Variants in XCL1 observed in about 807,000 individuals in gnomAD.
The protein encoded by XCL1 is lymphotactin.
XCL1 carries 6 observed loss-of-function variants against 7.4 expected under a neutral mutation model. The ratio of observed to expected loss-of-function variants is 0.82; its 90% confidence interval spans 0.45 to 1.61. The LOEUF is 1.61. Ranked by LOEUF, XCL1 falls within the 40% of genes most tolerant of loss-of-function variation. The pLI is 0.01. For missense variants in XCL1, 122 were observed against 138.2 expected (o/e 0.88, Z 0.59); for synonymous variants, 48 against 52.4 (o/e 0.92, Z 0.36).
At chr1:168,576,885 GA>G (rs1360413870) in intron 1 of XCL1, among the ~76,000 whole-genome samples, 187 bp downstream of exon 1, 6 of 152,146 alleles carry the variant, frequency 3.9e-5, no homozygotes. Context: ...AAAACAGGGA[GA>G]ATTTGATTAG....
Position 168,580,162 on chromosome 1 carries a change from C to G in XCL1, c.161C>G (p.Ser54Cys), listed in dbSNP as rs1318713673. 6.2e-7 allele frequency: 1 copy of G among 1,613,626 alleles called. No individual in the cohort carries two copies. Among genetic ancestry groups the G allele is most frequent in the Non-Finnish European group, 8.5e-7 (1 of 1,179,794 alleles). ...RIKTYTITEG[S>C]LRAVIFITKR... is the part of the protein sequence containing the mutation. ...AAGACCTACACCATCACGGAAGGCT[C>G]CTTGAGAGCAGTAATGTGAGTCTGC... The change falls in exon 2 of 3, where the codon TCC (serine) becomes TGC (cysteine). Residue 54 changes from serine (S) to cysteine (C), a missense_variant. By Grantham distance (112) the Ser-to-Cys change is moderately radical. Coordinates refer to ENST00000367818, the MANE Select transcript of XCL1 (RefSeq NM_002995.3).
chr1:168,578,819 T>C (rs1428044174), intron 1 of XCL1: 30 of 445,402 alleles, frequency 6.7e-5, no homozygotes. Context: ...CCTGGTTAAC[T>C]TGTGTGAAGG....
rs1655167730 is a variant in XCL1 at position 168,581,327 on chromosome 1, T to C, written c.*107T>C. ...TTATGAAAGCACTGCATGAATAAAA[T>C]TATTCCTTTGTATTTTTACTTTTAA... On this transcript the variant is annotated 3_prime_UTR_variant, in exon 3 of 3. Coordinates refer to ENST00000367818, the MANE Select transcript of XCL1 (RefSeq NM_002995.3). The C allele has an allele frequency of 7.2e-7, 1 of 1,398,440 alleles. No individual in the cohort carries two copies. Among genetic ancestry groups the C allele is most frequent in the Non-Finnish European group, 9.5e-7 (1 of 1,052,064 alleles). 86.6% of individuals were successfully genotyped at this position (1,398,440 alleles called of 1,614,324 possible). A position where few individuals can be genotyped will look rare whatever the true frequency, so the allele number is the denominator to read the frequency against.
chr1:168,580,063 G>A lies in XCL1; in HGVS notation c.62G>A (p.Gly21Asp). Residue 21 changes from glycine to aspartate, a missense_variant and splice_region_variant, in exon 2 of 3, where the codon GGT (glycine) becomes GAT (aspartate). Coordinates refer to ENST00000367818, the MANE Select transcript of XCL1 (RefSeq NM_002995.3). The part of the protein sequence containing the change: ...ICSLTAYIVE[G>D]VGSEVSDKRT... The stretch of plus-strand genomic sequence containing the variant: ...TCTGTTGTTTTTTTTTCCTCACCAG[G>A]TGTAGGGAGTGAAGTCTCAGATAAG... The A allele has an allele frequency of 1.2e-6, 2 of 1,612,264 alleles. No homozygotes were observed. The highest frequency in any genetic ancestry group is 1.1e-5 in the South Asian group (1 of 90,760).
rs141973818 is a variant in XCL1 at position 168,580,069 on chromosome 1, G to C, written c.68G>C (p.Gly23Ala). ...SLTAYIVEGV[G>A]SEVSDKRTCV... is the part of the protein sequence containing the mutation. ...GTTTTTTTTTCCTCACCAGGTGTAG[G>C]GAGTGAAGTCTCAGATAAGAGGACC... Residue 23 changes from glycine to alanine, a missense_variant, in exon 2 of 3, where the codon GGG becomes GCG. Physicochemically the swap from Gly to Ala is moderately conservative, Grantham distance 60. Transcript: ENST00000367818. 20 of 1,612,744 alleles carry C rather than the reference G, an allele frequency of 1.2e-5. No homozygotes were observed. The highest frequency in any genetic ancestry group is 1.6e-5 in the Non-Finnish European group (19 of 1,179,306).
intron 1 of XCL1, among the ~76,000 whole-genome samples, chr1:168,579,768 C>A (rs1267582977): frequency 6.6e-6 from 1 of 152,018 alleles, no homozygotes; most frequent in Non-Finnish European, 1.5e-5. Context: ...ATTTGCTAGC[C>A]GTCCCAAATG....
At chr1:168,577,384 CAAT>C (rs1040812643) in intron 1 of XCL1, among the ~76,000 whole-genome samples, 2 of 152,108 alleles carry the variant, frequency 1.3e-5, no homozygotes, top group Non-Finnish European at 2.9e-5. Flanking sequence ...AGAGAACATA[CAAT>C]AATAACTACT....
chr1:168,578,501 A>T (rs1655078589), intron 1 of XCL1, among the ~76,000 whole-genome samples: 1 of 152,220 alleles, frequency 6.6e-6, no homozygotes, highest in African/African-American at 2.4e-5. Flanking sequence ...GATTCTCTAC[A>T]CTTAATAGTT....
intron 1 of XCL1, among the ~76,000 whole-genome samples, chr1:168,577,066 A>G (rs1007989556): frequency 1.3e-5 from 2 of 152,242 alleles, no homozygotes. Context: ...CCTTACAAGC[A>G]GTAATTTTTT....
At chr1:168,580,937 T>A (rs1238953127) in intron 2 of XCL1, 115 bp from the exon 3 acceptor site, 10 of 1,388,804 alleles carry the variant, frequency 7.2e-6, no homozygotes, top group Non-Finnish European at 8.7e-6. Flanking sequence ...TCTGAAAGAC[T>A]ATTTCTTGCA....
At chr1:168,577,884 G>A (rs943977264) in intron 1 of XCL1, among the ~76,000 whole-genome samples, 1 of 152,120 alleles carries the variant, frequency 6.6e-6, no homozygotes, top group Non-Finnish European at 1.5e-5. Context: ...AGTCCCACTG[G>A]TGCTTAGCTT....
intron 1 of XCL1, 94 bp downstream of exon 1, chr1:168,576,792 C>A (rs1655034655): frequency 1.3e-6 from 2 of 1,568,516 alleles, no homozygotes; most frequent in Non-Finnish European, 1.7e-6. Context: ...CTGGACTAAC[C>A]TGCTTTCCCC....
intron 1 of XCL1, among the ~76,000 whole-genome samples, chr1:168,577,087 A>G (rs1347675243): frequency 2.6e-5 from 4 of 152,222 alleles, no homozygotes; most frequent in African/African-American, 4.8e-5. Context: ...GATTAATGTT[A>G]GCTATGGATT....
intron 1 of XCL1, among the ~76,000 whole-genome samples, chr1:168,577,337 G>A (rs1558254997): frequency 1.3e-5 from 2 of 152,094 alleles, no homozygotes; most frequent in African/African-American, 4.8e-5. Flanking sequence ...GTAATGCCAT[G>A]ACTATTACTA....
chr1:168,578,252 A>T (rs1341562799), intron 1 of XCL1, among the ~76,000 whole-genome samples: 23 of 152,042 alleles, frequency 1.5e-4, no homozygotes, highest in Admixed American at 1.5e-3. Context: ...CACAATGAAC[A>T]CTCTTTGTTT....
chr1:168,581,195 A>G lies in XCL1; in HGVS notation c.320A>G (p.Asn107Ser), dbSNP rs1291019433. ...TKPTGTQQST[N>S]TAVTLTG Reference sequence around the variant, plus strand: ...CCAACAGGAACCCAGCAATCGACCAATACAGCTGTGACTCTGACTGGCTAG... The same window carrying G: ...CCAACAGGAACCCAGCAATCGACCAGTACAGCTGTGACTCTGACTGGCTAG... The change falls in exon 3 of 3, where the codon AAT becomes AGT. Residue 107 changes from asparagine (N) to serine (S), a missense_variant. Coordinates refer to ENST00000367818, the MANE Select transcript of XCL1 (RefSeq NM_002995.3). 1 of 1,613,576 alleles carries G rather than the reference A, an allele frequency of 6.2e-7. No individual in the cohort carries two copies. The highest frequency in any genetic ancestry group is 2.2e-5 in the East Asian group (1 of 44,882).
chr1:168,577,207 A>C (rs1655044614), intron 1 of XCL1, among the ~76,000 whole-genome samples: 1 of 152,190 alleles, frequency 6.6e-6, no homozygotes. Flanking sequence ...GCACCAGAGG[A>C]TGTATGTTCT....
intron 1 of XCL1, chr1:168,579,246 A>T (rs1239243825): frequency 5.9e-6 from 2 of 338,286 alleles, no homozygotes; most frequent in African/African-American, 2.2e-5. Context: ...TGCAGCTGGA[A>T]CCAGATATAG....
chr1:168,578,311 C>T (rs1655075063), intron 1 of XCL1, among the ~76,000 whole-genome samples: 2 of 152,158 alleles, frequency 1.3e-5, no homozygotes, highest in Admixed American at 1.3e-4. Context: ...CACTACAGAC[C>T]AATGTTGGCC....
Sources: allele counts gnomAD v4.1 joint callset (sites outside exome capture counted in the v4.1 genomes callset), GRCh38; gene constraint gnomAD v4.1.1; transcripts MANE v1.5; gene names NCBI Gene and HGNC (gene_info 2026-07-23, HGNC 2026-07-21).